Variants in MAP4K3 observed in about 807,000 individuals in gnomAD.
MAP4K3 encodes mitogen-activated protein kinase kinase kinase kinase 3.
Under a neutral mutation model 143.5 loss-of-function variants are expected in MAP4K3, and 94 were observed. The ratio of observed to expected loss-of-function variants is 0.65; its 90% CI spans 0.55 to 0.78. The LOEUF is 0.78. Among genes scored for constraint, MAP4K3 ranks in the 30% least tolerant of loss-of-function variants. The pLI, the probability that MAP4K3 is intolerant of heterozygous loss-of-function variation, is 0.00. For missense variants in MAP4K3, 1,077 were observed against 1,068.1 expected, an observed-to-expected ratio of 1.01 and a Z score of -0.12; for synonymous variants, 416 against 347.2, an observed-to-expected ratio of 1.20 and a Z score of -2.20.
In MAP4K3 at chr2:39,351,465, C is replaced by G. The variant is rs114946171; in HGVS notation, c.245+4784G>C. Among the ~76,000 whole-genome samples the G allele has an allele frequency of 4.0e-3, 616 of 152,326 alleles. 6 individuals are homozygous for G. The highest frequency in any genetic ancestry group is 7.3e-3 in the Non-Finnish European group (497 of 68,032). ...GCATATTATGTTACGATTATTTGCT[C>G]ATGCCTACTTCTCCTGTTAGATTAT... On this transcript the variant is annotated intron_variant, in intron 3 of 33. Coordinates refer to ENST00000263881, the MANE Select transcript of MAP4K3 (RefSeq NM_003618.4).
In MAP4K3 at chr2:39,326,169, A is replaced by G; in HGVS notation, c.639T>C (p.Pro213=). The G allele has an allele frequency of 1.2e-6, 2 of 1,613,712 alleles. No homozygotes were observed. The highest frequency in any genetic ancestry group is 1.7e-6 in the Non-Finnish European group (2 of 1,179,834). Residue 213 remains proline, a synonymous_variant, in exon 9 of 34, where the codon CCT becomes CCC. Coordinates refer to ENST00000263881, the MANE Select transcript of MAP4K3 (RefSeq NM_003618.4). ...ACCTCATTGGGTGTAAGTCAAACAT[A>G]GGAGGCTGAAGCTCTGCAAGTTCTA... ...TAIELAELQP[P]MFDLHPMRAL...
chr2:39,429,254 G>C (rs1162053264), intron 1 of MAP4K3, among the ~76,000 whole-genome samples: 3 of 151,994 alleles, frequency 2.0e-5, no homozygotes, highest in Non-Finnish European at 2.9e-5. Context: ...TGCAATATTA[G>C]TAGGAAAAGC....
intron 2 of MAP4K3, among the ~76,000 whole-genome samples, chr2:39,366,534 T>C (rs1665929848): frequency 6.6e-6 from 1 of 152,228 alleles, no homozygotes; most frequent in African/African-American, 2.4e-5. Flanking sequence ...ACCAGTCAGC[T>C]TTCCCTGAAT....
intron 3 of MAP4K3, among the ~76,000 whole-genome samples, chr2:39,353,991 A>C (rs539832148): frequency 6.6e-6 from 1 of 152,272 alleles, no homozygotes; most frequent in African/African-American, 2.4e-5. Flanking sequence ...CTGTCTCCAG[A>C]ACTTAACCTC....
In MAP4K3 at chr2:39,299,745, G is replaced by C; in HGVS notation, c.1176C>G (p.Asn392Lys). 1.3e-6 allele frequency: 2 copies of C among 1,555,136 alleles called. No individual in the cohort carries two copies. The highest frequency in any genetic ancestry group is 1.2e-5 in the South Asian group (1 of 80,694). The change falls in exon 16 of 34, where the codon AAC becomes AAG. Residue 392 changes from asparagine (N) to lysine (K), a missense_variant and splice_region_variant. Transcript: ENST00000263881. ...AGTTTTAAAAGAACTTTACTTACTT[G>C]TTTGCACCTAAAAAGTAACCACCTT... The part of the protein sequence containing the change: ...GHQGGYFLGA[N>K]KSLLKSVEEE...
Position 39,388,791 on chromosome 2 carries a change from G to C in MAP4K3, c.97-10668C>G, listed in dbSNP as rs116804342. ...GCCTCAAGTCAAGAAATAAATTTAAGTTGTTTCTGGGTTGGTGGTAACACA... is the reference window on the plus strand; with the variant it reads ...GCCTCAAGTCAAGAAATAAATTTAACTTGTTTCTGGGTTGGTGGTAACACA... On this transcript the variant is annotated intron_variant, in intron 1 of 33. Coordinates refer to ENST00000263881, the MANE Select transcript of MAP4K3 (RefSeq NM_003618.4). Among the ~76,000 whole-genome samples the C allele has an allele frequency of 6.8e-3, 1,042 of 152,310 alleles. 10 individuals carry two copies. The highest frequency in any genetic ancestry group is 0.024 in the African/African-American group (994 of 41,564).
At chr2:39,288,050 A>T in intron 20 of MAP4K3, 71 bp downstream of exon 20, 1 of 1,562,752 alleles carries the variant, frequency 6.4e-7, no homozygotes, top group East Asian at 2.2e-5. Context: ...ATAATCTCTT[A>T]AAAGAAAGTT....
At chr2:39,420,307 T>C (rs1667510443) in intron 1 of MAP4K3, among the ~76,000 whole-genome samples, 1 of 152,286 alleles carries the variant, frequency 6.6e-6, no homozygotes, top group Non-Finnish European at 1.5e-5. Context: ...AACTTCCATA[T>C]ACACGTGCAC....
intron 1 of MAP4K3, among the ~76,000 whole-genome samples, chr2:39,389,361 G>A (rs1371439378): frequency 6.6e-6 from 1 of 152,032 alleles, no homozygotes; most frequent in Non-Finnish European, 1.5e-5. Flanking sequence ...AACAAGGAAG[G>A]AAGAGAGAAC....
chr2:39,415,066 A>C (rs1293444718), intron 1 of MAP4K3, among the ~76,000 whole-genome samples: 2 of 152,172 alleles, frequency 1.3e-5, no homozygotes, highest in Non-Finnish European at 2.9e-5. Context: ...CCATGAGCCA[A>C]ATCCCTAAGT....
At chr2:39,417,109 G>A (rs185171452) in intron 1 of MAP4K3, among the ~76,000 whole-genome samples, 1 of 152,172 alleles carries the variant, frequency 6.6e-6, no homozygotes, top group African/African-American at 2.4e-5. Context: ...TGTTTGGCTT[G>A]TCAACTTGTA....
At chr2:39,366,937 T>C (rs1665939802) in intron 2 of MAP4K3, among the ~76,000 whole-genome samples, 1 of 152,180 alleles carries the variant, frequency 6.6e-6, no homozygotes, top group Non-Finnish European at 1.5e-5. Context: ...CCCTGATCAA[T>C]AACACAGAAA....
At chr2:39,252,596 A>C (rs1322402496) in intron 32 of MAP4K3, among the ~76,000 whole-genome samples, 2 of 152,258 alleles carry the variant, frequency 1.3e-5, no homozygotes, top group Non-Finnish European at 2.9e-5. Context: ...TTAAGAATAA[A>C]TATACAAGAA....
chr2:39,394,605 C>T (rs769928827), intron 1 of MAP4K3, among the ~76,000 whole-genome samples: 19 of 152,074 alleles, frequency 1.2e-4, no homozygotes, highest in South Asian at 4.2e-4. Flanking sequence ...TCCACAGAGA[C>T]GGACCTGAGC....
Position 39,325,569 on chromosome 2 carries a change from T to C in MAP4K3, c.867A>G (p.Val289=). ...GGTAAGTGGAATGATCTGGATTATT[T>C]ACTTTATCCAACAGCTCGATTGCCA... is the stretch of plus-strand genomic sequence containing the variant. ...RSLAIELLDK[V]NNPDHSTYHD... Residue 289 remains valine, a synonymous_variant, in exon 12 of 34, where the codon GTA becomes GTG. Transcript: ENST00000263881. 1 of 1,613,204 alleles carries C rather than the reference T, an allele frequency of 6.2e-7. No homozygotes were observed. Among genetic ancestry groups the C allele is most frequent in the Non-Finnish European group, 8.5e-7 (1 of 1,179,758 alleles).
intron 1 of MAP4K3, among the ~76,000 whole-genome samples, chr2:39,414,467 C>T (rs573163307): frequency 6.6e-6 from 1 of 152,188 alleles, no homozygotes; most frequent in African/African-American, 2.4e-5. Flanking sequence ...CTTCAGAAAA[C>T]ATTTCAGTAA....
At chr2:39,382,808 T>C (rs536024183) in intron 1 of MAP4K3, among the ~76,000 whole-genome samples, 1 of 152,308 alleles carries the variant, frequency 6.6e-6, no homozygotes, top group Admixed American at 6.5e-5. Flanking sequence ...AAGCACTATG[T>C]TACTGACTTT....
chr2:39,260,881 C>T (rs1305697921), intron 28 of MAP4K3, 104 bp from the exon 29 acceptor site: 2 of 743,590 alleles, frequency 2.7e-6, no homozygotes, highest in East Asian at 5.6e-5. Flanking sequence ...TGCATCTTGT[C>T]ACAGAAATTC....
At chr2:39,298,120 C>T (rs914181309) in intron 16 of MAP4K3, among the ~76,000 whole-genome samples, 2 of 151,952 alleles carry the variant, frequency 1.3e-5, no homozygotes, top group African/African-American at 4.8e-5. Flanking sequence ...AATTTACTAA[C>T]AAGGACCTTA....
Sources: allele counts gnomAD v4.1 joint callset (sites outside exome capture counted in the v4.1 genomes callset), GRCh38; gene constraint gnomAD v4.1.1; transcripts MANE v1.5; gene names NCBI Gene and HGNC (gene_info 2026-07-23, HGNC 2026-07-21).